LTK: variants seen among roughly 807,000 people sequenced by gnomAD.
LTK encodes leukocyte receptor tyrosine kinase, also known as leukocyte tyrosine kinase receptor.
Under a neutral mutation model 101.5 loss-of-function variants are expected in LTK, and 117 were observed. The ratio of observed to expected loss-of-function variants is 1.15; its 90% confidence interval spans 0.99 to 1.34. The LOEUF (loss-of-function observed/expected upper bound fraction) is 1.34, where lower values mean the gene tolerates loss of function less well. Among genes scored for constraint, LTK ranks in the 40% most tolerant of loss-of-function variants. LTK has a pLI of 0.00. For missense variants in LTK, 1,252 were observed against 1,164.7 expected (o/e 1.07, Z -1.09); for synonymous variants, 563 against 494.2 (o/e 1.14, Z -1.85).
Position 41,513,782 on chromosome 15 carries a change from C to A in LTK, c.-73G>T. On this transcript the variant is annotated 5_prime_UTR_variant, in exon 1 of 20. Transcript: ENST00000263800. The stretch of plus-strand genomic sequence containing the variant: ...ACCCCTGTCAACCTAAAGTTGACAG[C>A]TCATTTTGCCACGGCAGCCCTGGCC... 2 of 1,343,200 alleles carry A rather than the reference C, an allele frequency of 1.5e-6. No homozygotes were observed. Among genetic ancestry groups the A allele is most frequent in the East Asian group, 2.3e-5 (1 of 43,560 alleles). The allele number at this position is 1,343,200 out of a possible 1,614,324, so 83.2% of individuals were successfully genotyped here. A position where few individuals can be genotyped will look rare whatever the true frequency, so the allele number is the denominator to read the frequency against.
chr15:41,504,486 C>T lies in LTK; in HGVS notation c.2255+20G>A, dbSNP rs1595454436. 2 of 1,613,474 alleles carry T rather than the reference C, an allele frequency of 1.2e-6. No homozygotes were observed. The highest frequency in any genetic ancestry group is 1.7e-6 in the Non-Finnish European group (2 of 1,179,764). On this transcript the variant is annotated intron_variant, in intron 18 of 19. Coordinates refer to ENST00000263800, the MANE Select transcript of LTK (RefSeq NM_002344.6). Reference sequence around the variant, plus strand: ...CCATGGTTGTGAAGGACCTCCCTTCCCGGGCAGCACTCAACTCACACAGGC... The same window carrying T: ...CCATGGTTGTGAAGGACCTCCCTTCTCGGGCAGCACTCAACTCACACAGGC...
In LTK at chr15:41,504,868, A is replaced by G. The variant is rs372223410; in HGVS notation, c.2025T>C (p.Ser675=). 1.3e-5 allele frequency: 21 copies of G among 1,612,326 alleles called. No individual in the cohort carries two copies. The highest frequency in any genetic ancestry group is 3.3e-5 in the South Asian group (3 of 90,628). Residue 675 remains serine, a synonymous_variant, in exon 17 of 20, where the codon AGT becomes AGC. Transcript: ENST00000263800. ...FGMARDIYRA[S]YYRRGDRALL... ...AGGCCCGGTCCCCCCTGCGGTAATA[A>G]CTGGCCCTACAGGAGGGAGGAGGTG...
chr15:41,504,638 G>C lies in LTK; in HGVS notation c.2123C>G (p.Ser708Cys). 6.2e-7 allele frequency: 1 copy of C among 1,612,666 alleles called. No individual in the cohort carries two copies. The highest frequency in any genetic ancestry group is 8.5e-7 in the Non-Finnish European group (1 of 1,179,624). The change falls in exon 18 of 20, where the codon TCT becomes TGT. Residue 708 changes from serine to cysteine, a missense_variant and splice_region_variant. Transcript: ENST00000263800. The stretch of plus-strand genomic sequence containing the variant: ...GATCTCCCAGAGCAGCACCCCAAAA[G>C]ACCTGCATCACAAGTGGGGGAACCA... Reference protein sequence around the residue: ...GIFTSKTDSWSFGVLLWEIFS... With the variant: ...GIFTSKTDSWCFGVLLWEIFS...
In LTK at chr15:41,505,030, C is replaced by G. The variant is rs148814029; in HGVS notation, c.1960G>C (p.Ala654Pro). 1 of 1,613,574 alleles carries G rather than the reference C, an allele frequency of 6.2e-7. No homozygotes were observed. Among genetic ancestry groups the G allele is most frequent in the South Asian group, 1.1e-5 (1 of 91,052 alleles). The part of the protein sequence containing the change: ...IAARNCLLSC[A>P]GPSRVAKIGD... ...ATCTTGGCCACTCGGCTGGGTCCAGCGCAGCTCAGCAGGCAGTTCCGGGCG... is the reference window on the plus strand; with the variant it reads ...ATCTTGGCCACTCGGCTGGGTCCAGGGCAGCTCAGCAGGCAGTTCCGGGCG... Residue 654 changes from alanine to proline, a missense_variant, in exon 16 of 20, where the codon GCT becomes CCT. Ala to Pro is a conservative substitution (Grantham distance 27, BLOSUM62 -1). Transcript: ENST00000263800.
Position 41,513,734 on chromosome 15 carries a change from A to G in LTK, c.-25T>C. ...TCCCTGTTGGGTCCACCCGGCAACA[A>G]AAGCCCTTGCGGTCGCGGCCACACC... is the stretch of plus-strand genomic sequence containing the variant. On this transcript the variant is annotated 5_prime_UTR_variant, in exon 1 of 20. Coordinates refer to ENST00000263800, the MANE Select transcript of LTK (RefSeq NM_002344.6). The G allele has an allele frequency of 1.9e-6, 3 of 1,601,700 alleles. No individual in the cohort carries two copies. The highest frequency in any genetic ancestry group is 2.3e-5 in the East Asian group (1 of 44,350).
chr15:41,503,959 C>CA lies in LTK; in HGVS notation c.*36dup, dbSNP rs1425737059. 2 of 1,546,358 alleles carry CA rather than the reference C, an allele frequency of 1.3e-6. No individual in the cohort carries two copies. The highest frequency in any genetic ancestry group is 1.7e-6 in the Non-Finnish European group (2 of 1,150,028). ...CCTGAGGAGTATAGGGAGGGACCCT[C>CA]AGTGCCTCAGTCCTTACCCTCAGGG... On this transcript the variant is annotated 3_prime_UTR_variant, in exon 20 of 20. Coordinates refer to ENST00000263800, the MANE Select transcript of LTK (RefSeq NM_002344.6).
chr15:41,505,766 T>C lies in LTK; in HGVS notation c.1644A>G (p.Glu548=), dbSNP rs199965576. 2.6e-4 allele frequency: 421 copies of C among 1,613,710 alleles called. 1 individual carries two copies. The highest frequency in any genetic ancestry group is 8.3e-4 in the Middle Eastern group (5 of 6,060). Residue 548 remains glutamate, a synonymous_variant, in exon 13 of 20, where the codon GAA becomes GAG. Coordinates refer to ENST00000263800, the MANE Select transcript of LTK (RefSeq NM_002344.6). ...PLQVAIKTLP[E]LCSPQDELDF... ...CCAGCTCATCCTGAGGCGAGCAGAG[T>C]TCTGGCAGGGTCTGGGGAGGAAAAG... is the stretch of plus-strand genomic sequence containing the variant.
rs753487595 is a variant in LTK, at chr15:41,507,667, AAG to A, written c.1250-12_1250-11del. On this transcript the variant is annotated splice_polypyrimidine_tract_variant and intron_variant, in intron 9 of 19. Coordinates refer to ENST00000263800, the MANE Select transcript of LTK (RefSeq NM_002344.6). ...GGGGGCTTGTGCAGGTCTAGGGAGA[AAG>A]AGAGACACCTCCAGTGGGAAGGTCT... The A allele has an allele frequency of 1.2e-6, 2 of 1,610,628 alleles. No individual in the cohort carries two copies. The highest frequency in any genetic ancestry group is 1.7e-6 in the Non-Finnish European group (2 of 1,178,654).
At chr15:41,507,715 A>C in intron 9 of LTK, 58 bp from the exon 10 acceptor site, 1 of 1,525,042 alleles carries the variant, frequency 6.6e-7, no homozygotes, top group Non-Finnish European at 8.9e-7. Context: ...TTTACCCTCA[A>C]GTTTTACCCA....
chr15:41,513,616 T>C, intron 1 of LTK, 51 bp downstream of exon 1: 1 of 1,586,646 alleles, frequency 6.3e-7, no homozygotes, highest in East Asian at 2.2e-5. Context: ...CCCCCAAGCC[T>C]AGGAAAGTGC....
intron 10 of LTK, 55 bp from the exon 11 acceptor site, chr15:41,507,345 C>T: frequency 6.6e-7 from 1 of 1,508,758 alleles, no homozygotes; most frequent in Non-Finnish European, 8.9e-7. Flanking sequence ...ACTCTCCCTC[C>T]CCCACCTGCC....
Position 41,505,719 on chromosome 15 carries a change from A to G in LTK, c.1691T>C (p.Ile564Thr), listed in dbSNP as rs941001691. 3 of 1,613,584 alleles carry G rather than the reference A, an allele frequency of 1.9e-6. No individual in the cohort carries two copies. Among genetic ancestry groups the G allele is most frequent in the South Asian group, 2.2e-5 (2 of 91,058 alleles). Residue 564 changes from isoleucine (I) to threonine (T), a missense_variant, in exon 13 of 20, where the codon ATC (isoleucine) becomes ACC (threonine). Physicochemically the swap from Ile to Thr is moderately conservative, Grantham distance 89 (BLOSUM62 -1). Transcript: ENST00000263800. The part of the protein sequence containing the change: ...DELDFLMEAL[I>T]ISKFRHQNIV... ...CCCCTGGTCCCAGGTGCACCTGATG[A>G]TGAGGGCCTCCATGAGGAAATCCAG...
chr15:41,506,529 C>A (rs60887126), intron 11 of LTK, among the ~76,000 whole-genome samples: 271 of 149,784 alleles, frequency 1.8e-3, no homozygotes, highest in African/African-American at 6.2e-3. Flanking sequence ...GGTCTCGAAC[C>A]CCTGACCTCA....
At chr15:41,505,844 C>A (rs1224569627) in intron 12 of LTK, 67 bp from the exon 13 acceptor site, 2 of 1,601,930 alleles carry the variant, frequency 1.2e-6, no homozygotes, top group East Asian at 4.5e-5. Context: ...TTAACCCTAG[C>A]TCTAGTCATT....
In LTK at chr15:41,505,734, A is replaced by G. The variant is rs141718457; in HGVS notation, c.1676T>C (p.Leu559Pro). The change falls in exon 13 of 20, where the codon CTC (leucine) becomes CCC (proline). Residue 559 changes from leucine (L) to proline (P), a missense_variant. Leu to Pro is a moderately conservative substitution (Grantham distance 98, BLOSUM62 -3). Transcript: ENST00000263800. The part of the protein sequence containing the change: ...LCSPQDELDF[L>P]MEALIISKFR... ...GCACCTGATGATGAGGGCCTCCATG[A>G]GGAAATCCAGCTCATCCTGAGGCGA... 3.1e-6 allele frequency: 5 copies of G among 1,613,854 alleles called. No homozygotes were observed. The highest frequency in any genetic ancestry group is 4.2e-6 in the Non-Finnish European group (5 of 1,179,950).
In LTK at chr15:41,511,484, G is replaced by T. The variant is rs2051459343; in HGVS notation, c.752C>A (p.Ser251Tyr). ...CGAGCGGTTCTCCAGTTTCTCGGGG[G>T]AGGCCTGAGTCCGGCCTCGGTCCCG... ...RPRDRGRTQA[S>Y]PEKLENRSEA... Residue 251 changes from serine (S) to tyrosine (Y), a missense_variant, in exon 6 of 20, where the codon TCC becomes TAC. By Grantham distance (144) the Ser-to-Tyr change is moderately radical. Transcript: ENST00000263800. The surrounding 1 kb of genome is among the most constrained non-coding windows in gnomAD (Gnocchi z 5.9). The T allele has an allele frequency of 6.8e-7, 1 of 1,469,922 alleles. No homozygotes were observed. The highest frequency in any genetic ancestry group is 2.1e-4 in the Middle Eastern group (1 of 4,830). 91.1% of individuals were successfully genotyped at this position (1,469,922 alleles called of 1,614,324 possible).
At chr15:41,512,017 G>A in intron 4 of LTK, 54 bp from the exon 5 acceptor site, 1 of 1,454,974 alleles carries the variant, frequency 6.9e-7, no homozygotes, top group East Asian at 2.5e-5. Context: ...CCCTCGCTGT[G>A]CTGGTGACCC....
At chr15:41,504,920 GC>G in intron 16 of LTK, 46 bp from the exon 17 acceptor site, 2 of 1,599,350 alleles carry the variant, frequency 1.3e-6, no homozygotes, top group South Asian at 2.2e-5. Flanking sequence ...CCACCAAGGT[GC>G]GGGGAAAACC....
chr15:41,508,971 G>A (rs143912340), intron 8 of LTK, 60 bp downstream of exon 8: 1 of 1,147,662 alleles, frequency 8.7e-7, no homozygotes, highest in East Asian at 2.3e-5. Flanking sequence ...GTGCAGGAGT[G>A]GGCTCAGGGA....
Sources: allele counts gnomAD v4.1 joint callset (sites outside exome capture counted in the v4.1 genomes callset), GRCh38; gene constraint gnomAD v4.1.1; non-coding constraint Gnocchi (gnomAD v3.1); transcripts MANE v1.5; gene names NCBI Gene and HGNC (gene_info 2026-07-23, HGNC 2026-07-21).